The following MTMR8 variants were observed in gnomAD, a reference collection of about 807,000 sequenced individuals.
MTMR8 encodes phosphatidylinositol-3,5-bisphosphate 3-phosphatase MTMR8.
Under a neutral mutation model 39.3 loss-of-function variants are expected in MTMR8, and 65 were observed. That is an observed-to-expected ratio of 1.65 (90% CI 1.35 to 2.03). The LOEUF (loss-of-function observed/expected upper bound fraction) is 2.03. MTMR8 is among the 30% of genes most tolerant of loss of function. MTMR8 has a pLI of 0.00. For synonymous variants in MTMR8, 245 were observed against 185.2 expected (o/e 1.32, Z -2.62); for missense variants, 777 against 538.9 (o/e 1.44, Z -4.37).
chrX:64,276,783 A>T (rs1569207531), intron 12 of MTMR8, among the ~76,000 whole-genome samples: 2 of 111,822 alleles, frequency 1.8e-5, no homozygotes, highest in African/African-American at 6.5e-5. Context: ...AGTTCTGTAG[A>T]TGTCTATTAG....
chrX:64,273,992 C>T (rs1931819675), intron 12 of MTMR8, among the ~76,000 whole-genome samples: 1 of 111,522 alleles, frequency 9.0e-6, no homozygotes, highest in African/African-American at 3.3e-5. Flanking sequence ...GAGAAACAGA[C>T]AGAAATACAG....
At chrX:64,380,849 G>T (rs1924396003) in intron 1 of MTMR8, among the ~76,000 whole-genome samples, 1 of 111,427 alleles carries the variant, frequency 9.0e-6, no homozygotes, top group Non-Finnish European at 1.9e-5. Context: ...GCGGTGTTTG[G>T]TTTTTTGTCC....
intron 12 of MTMR8, among the ~76,000 whole-genome samples, chrX:64,274,809 A>G (rs969895763): frequency 1.8e-5 from 2 of 112,269 alleles, no homozygotes; most frequent in East Asian, 2.8e-4. Context: ...CAGACACAGA[A>G]AGACAAAAAC....
chrX:64,293,043 C>T (rs913849013), intron 12 of MTMR8, among the ~76,000 whole-genome samples: 10 of 111,194 alleles, frequency 9.0e-5, no homozygotes, highest in Admixed American at 4.8e-4. Context: ...GGTCAAAGAT[C>T]TCCTACATCA....
intron 12 of MTMR8, among the ~76,000 whole-genome samples, chrX:64,274,435 T>A (rs775875026): frequency 8.9e-6 from 1 of 111,885 alleles, no homozygotes; most frequent in South Asian, 3.7e-4. Context: ...TACCAAAACA[T>A]GTAGGATGCA....
chrX:64,292,493 T>C (rs1008428423), intron 12 of MTMR8, among the ~76,000 whole-genome samples: 3 of 110,366 alleles, frequency 2.7e-5, no homozygotes, highest in African/African-American at 9.9e-5. Flanking sequence ...CTGCAGGAGA[T>C]GAGTTGGAAG....
chrX:64,271,990 A>C (rs1362230416), intron 12 of MTMR8, among the ~76,000 whole-genome samples: 2 of 111,979 alleles, frequency 1.8e-5, no homozygotes, highest in African/African-American at 6.5e-5. Flanking sequence ...ACACTGATGA[A>C]ACTGGACATA....
At chrX:64,295,232 T>A (rs1212012887) in intron 12 of MTMR8, among the ~76,000 whole-genome samples, 2 of 108,074 alleles carry the variant, frequency 1.9e-5, no homozygotes, top group Non-Finnish European at 3.8e-5. Flanking sequence ...TAAAATGAGA[T>A]GTTTCTGACA....
At chrX:64,275,948 A>G (rs769072078) in intron 12 of MTMR8, among the ~76,000 whole-genome samples, 1 of 111,828 alleles carries the variant, frequency 8.9e-6, no homozygotes, top group South Asian at 3.7e-4. Flanking sequence ...TAAGTAGAGA[A>G]ATTGAATCAG....
intron 4 of MTMR8, among the ~76,000 whole-genome samples, chrX:64,353,380 C>T (rs1923535864): frequency 9.0e-6 from 1 of 111,516 alleles, no homozygotes; most frequent in Admixed American, 9.5e-5. Flanking sequence ...ATATAAGGAG[C>T]CCAAGAAACT....
chrX:64,313,815 A>G (rs1462870160), intron 12 of MTMR8, among the ~76,000 whole-genome samples: 1 of 112,595 alleles, frequency 8.9e-6, no homozygotes, highest in East Asian at 2.8e-4. Context: ...CCTGGTTAAG[A>G]ACCCTTGTTG....
intron 12 of MTMR8, 141 bp downstream of exon 12, chrX:64,328,631 C>T: frequency 2.0e-6 from 1 of 503,035 alleles, no homozygotes; most frequent in Non-Finnish European, 2.8e-6. Flanking sequence ...TCAGAAGCAG[C>T]AATGTATGGG....
intron 12 of MTMR8, among the ~76,000 whole-genome samples, chrX:64,285,507 C>A (rs1478820921): frequency 3.6e-5 from 4 of 111,752 alleles, no homozygotes; most frequent in Admixed American, 1.9e-4. Context: ...CACCCCAAAT[C>A]AACAGAATAT....
intron 1 of MTMR8, among the ~76,000 whole-genome samples, chrX:64,386,097 A>C (rs1476546864): frequency 9.5e-6 from 1 of 105,039 alleles, no homozygotes; most frequent in Non-Finnish European, 2.0e-5. Flanking sequence ...TCACCCTGAC[A>C]AAAAAAAAAA....
At chrX:64,315,194 T>C (rs751314542) in intron 12 of MTMR8, among the ~76,000 whole-genome samples, 1 of 112,139 alleles carries the variant, frequency 8.9e-6, no homozygotes, top group African/African-American at 3.2e-5. Context: ...TCCATCATGG[T>C]CTGGGGGTCT....
chrX:64,366,902 T>C (rs972508221), intron 1 of MTMR8, among the ~76,000 whole-genome samples: 2 of 110,947 alleles, frequency 1.8e-5, no homozygotes, highest in East Asian at 5.7e-4. Flanking sequence ...ATAGATGCAA[T>C]AAAAAATGAT....
At chrX:64,365,313 T>G (rs1353585263) in intron 1 of MTMR8, among the ~76,000 whole-genome samples, 1 of 108,302 alleles carries the variant, frequency 9.2e-6, no homozygotes, top group Non-Finnish European at 1.9e-5. Flanking sequence ...AATTGTCAGA[T>G]TCACCAAGCT....
intron 12 of MTMR8, among the ~76,000 whole-genome samples, chrX:64,297,308 G>C (rs758263047): frequency 6.5e-4 from 71 of 109,847 alleles, no homozygotes; most frequent in African/African-American, 2.4e-3. Context: ...TAGTGGTTTT[G>C]ATTTGCATTT....
At chrX:64,283,554 C>T (rs1371237098) in intron 12 of MTMR8, among the ~76,000 whole-genome samples, 1 of 112,216 alleles carries the variant, frequency 8.9e-6, no homozygotes, top group Non-Finnish European at 1.9e-5. Context: ...CCCAGAATAG[C>T]CTAGCTGGGA....
Sources: allele counts gnomAD v4.1 joint callset (sites outside exome capture counted in the v4.1 genomes callset), GRCh38; gene constraint gnomAD v4.1.1; transcripts MANE v1.5; gene names NCBI Gene and HGNC (gene_info 2026-07-23, HGNC 2026-07-21).